The following PKIB variants were observed in gnomAD, a reference collection of about 807,000 sequenced individuals.
PKIB encodes the protein PKI-beta.
In PKIB, 2 loss-of-function variants were observed where a neutral mutation model predicts 4.5. The observed-to-expected ratio is 0.44, with a 90% confidence interval of 0.18 to 1.39. The LOEUF is 1.39. PKIB is among the 40% of genes most tolerant of loss of function. The probability of loss-of-function intolerance (pLI) is 0.27; values close to 1 mark genes in which losing one functional copy is unlikely to be tolerated. For missense variants in PKIB, 94 were observed against 92.6 expected, an observed-to-expected ratio of 1.02 and a Z score of -0.06; for synonymous variants, 38 against 36.0, an observed-to-expected ratio of 1.06 and a Z score of -0.20.
intron 2 of PKIB, among the ~76,000 whole-genome samples, chr6:122,634,726 A>G (rs1393418978): frequency 2.6e-5 from 4 of 152,174 alleles, no homozygotes; most frequent in Admixed American, 2.6e-4. Flanking sequence ...TCATCAGAGC[A>G]TTTTTACTTT....
chr6:122,518,347 A>G (rs1776827506), intron 2 of PKIB, among the ~76,000 whole-genome samples: 1 of 152,186 alleles, frequency 6.6e-6, no homozygotes, highest in Non-Finnish European at 1.5e-5. Flanking sequence ...GAAAATAAGC[A>G]GATACTCTAA....
chr6:122,528,184 T>C (rs1436534981), intron 2 of PKIB, among the ~76,000 whole-genome samples: 1 of 152,208 alleles, frequency 6.6e-6, no homozygotes, highest in Non-Finnish European at 1.5e-5. Flanking sequence ...ACTATACCAA[T>C]ATTAGGCACT....
intron 3 of PKIB, among the ~76,000 whole-genome samples, chr6:122,599,443 T>G (rs1034024672): frequency 6.6e-6 from 1 of 152,168 alleles, no homozygotes; most frequent in African/African-American, 2.4e-5. Context: ...TCATTGCAGG[T>G]CAGCCACTCG....
At chr6:122,575,067 A>G (rs528800687) in intron 2 of PKIB, among the ~76,000 whole-genome samples, 1 of 151,874 alleles carries the variant, frequency 6.6e-6, no homozygotes, top group Non-Finnish European at 1.5e-5. Flanking sequence ...TAATAATAAA[A>G]CCTGTCAAAA....
At chr6:122,541,576 T>C (rs1233236400) in intron 2 of PKIB, among the ~76,000 whole-genome samples, 1 of 152,034 alleles carries the variant, frequency 6.6e-6, no homozygotes, top group Non-Finnish European at 1.5e-5. Flanking sequence ...GGGCTTCCCT[T>C]TGTGGGTAAC....
chr6:122,516,989 G>T (rs1776774850), intron 2 of PKIB, among the ~76,000 whole-genome samples: 1 of 152,110 alleles, frequency 6.6e-6, no homozygotes, highest in Admixed American at 6.5e-5. Context: ...TGGTGCATGT[G>T]CCCTGGCCAT....
At chr6:122,700,239 T>C (rs1778750846) in intron 3 of PKIB, among the ~76,000 whole-genome samples, 1 of 129,230 alleles carries the variant, frequency 7.7e-6, no homozygotes, top group African/African-American at 2.9e-5. Context: ...CTTTTTAAAA[T>C]TTCTTTTCTT....
chr6:122,508,626 T>G (rs1776491807), intron 2 of PKIB, among the ~76,000 whole-genome samples: 1 of 152,198 alleles, frequency 6.6e-6, no homozygotes, highest in African/African-American at 2.4e-5. Flanking sequence ...TACGCACAGC[T>G]GTTTGTAAAG....
chr6:122,534,604 C>T (rs1361520307), intron 2 of PKIB, among the ~76,000 whole-genome samples: 1 of 152,140 alleles, frequency 6.6e-6, no homozygotes, highest in African/African-American at 2.4e-5. Flanking sequence ...TCTCAAAAGA[C>T]TTACACTGGT....
chr6:122,716,089 AAAATACT>A (rs1779480569), intron 3 of PKIB, among the ~76,000 whole-genome samples: 1 of 152,158 alleles, frequency 6.6e-6, no homozygotes, highest in South Asian at 2.1e-4. Flanking sequence ...TCCCAATAGG[AAAATACT>A]TTTTGTTAGG....
At chr6:122,509,762 G>C (rs147547478) in intron 2 of PKIB, among the ~76,000 whole-genome samples, 2,995 of 152,174 alleles carry the variant, frequency 0.02, 39 homozygotes, top group Non-Finnish European at 0.029. Context: ...TATACTGTAA[G>C]CATTTTTATG....
chr6:122,649,108 T>C (rs1776442835), intron 2 of PKIB, among the ~76,000 whole-genome samples: 1 of 152,234 alleles, frequency 6.6e-6, no homozygotes, highest in Admixed American at 6.5e-5. Flanking sequence ...GGGACATGAA[T>C]GTTATGTTCT....
chr6:122,678,534 C>G (rs1286967569), intron 3 of PKIB, among the ~76,000 whole-genome samples: 3 of 152,008 alleles, frequency 2.0e-5, no homozygotes, highest in Non-Finnish European at 4.4e-5. Context: ...TTTTGTGGCA[C>G]ATCTTTACTT....
intron 1 of PKIB, among the ~76,000 whole-genome samples, chr6:122,618,750 C>T (rs1308273276): frequency 6.6e-6 from 1 of 151,958 alleles, no homozygotes; most frequent in Non-Finnish European, 1.5e-5. Flanking sequence ...GTTTTATAAA[C>T]AATAGCATAG....
chr6:122,564,189 G>T (rs1027815174), intron 2 of PKIB, among the ~76,000 whole-genome samples: 10 of 152,078 alleles, frequency 6.6e-5, no homozygotes, highest in African/African-American at 2.4e-4. Context: ...CAGTTTTTGG[G>T]GTATCTCCAG....
intron 3 of PKIB, among the ~76,000 whole-genome samples, chr6:122,703,866 G>A (rs1033000753): frequency 2.7e-5 from 4 of 146,584 alleles, no homozygotes; most frequent in Non-Finnish European, 4.5e-5. Context: ...AAAGCTCTAC[G>A]TAAGAACGGC....
At chr6:122,723,007 T>C (rs1163391990) in intron 4 of PKIB, among the ~76,000 whole-genome samples, 1 of 152,180 alleles carries the variant, frequency 6.6e-6, no homozygotes, top group Non-Finnish European at 1.5e-5. Flanking sequence ...TGTCACTCTT[T>C]CCTGTAACGT....
At chr6:122,552,440 G>A (rs906623741) in intron 2 of PKIB, among the ~76,000 whole-genome samples, 5 of 152,102 alleles carry the variant, frequency 3.3e-5, no homozygotes, top group East Asian at 3.9e-4. Flanking sequence ...GCAGTGGCTC[G>A]ATCTTGGCTC....
intron 2 of PKIB, among the ~76,000 whole-genome samples, chr6:122,549,660 A>G (rs1272030060): frequency 1.3e-5 from 2 of 152,072 alleles, no homozygotes; most frequent in African/African-American, 4.8e-5. Context: ...CTTTTGAAAA[A>G]GTAATATTTG....
Sources: gnomAD v4.1 joint callset for allele counts (sites outside exome capture counted in the v4.1 genomes callset) on GRCh38, gnomAD v4.1.1 for gene constraint, MANE v1.5 for transcripts, NCBI Gene and HGNC (gene_info 2026-07-23, HGNC 2026-07-21) for gene names.